Variants in STAB2 observed in about 807,000 individuals in gnomAD.
STAB2 encodes stabilin-2.
STAB2 carries 288 observed loss-of-function variants against 338.1 expected under a neutral mutation model. The ratio of observed to expected loss-of-function variants is 0.85; its 90% CI spans 0.77 to 0.94. The LOEUF (loss-of-function observed/expected upper bound fraction) is 0.94, where lower values mean the gene tolerates loss of function less well. Among genes scored for constraint, STAB2 ranks in the 40% least tolerant of loss-of-function variants. The probability of loss-of-function intolerance (pLI) is 0.00; values close to 1 mark genes in which losing one functional copy is unlikely to be tolerated. For missense variants in STAB2, 3,141 were observed against 3,210.1 expected (o/e 0.98, Z 0.52); for synonymous variants, 1,202 against 1,193.3 (o/e 1.01, Z -0.15).
intron 55 of STAB2, among the ~76,000 whole-genome samples, chr12:103,742,107 C>A (rs1405558644): frequency 6.6e-6 from 1 of 152,044 alleles, no homozygotes; most frequent in Non-Finnish European, 1.5e-5. Flanking sequence ...TCATTTAGAT[C>A]TAAGAAAACA....
At chr12:103,636,938 C>T (rs545539498) in intron 6 of STAB2, among the ~76,000 whole-genome samples, 173 bp from the exon 7 acceptor site, 22 of 152,190 alleles carry the variant, frequency 1.4e-4, no homozygotes, top group African/African-American at 4.8e-4. Context: ...TTGATGATAT[C>T]GGTAAATTTG....
intron 10 of STAB2, 125 bp from the exon 11 acceptor site, chr12:103,650,371 C>A: frequency 1.5e-6 from 1 of 673,972 alleles, no homozygotes; most frequent in Non-Finnish European, 2.6e-6. Flanking sequence ...CCTACACATG[C>A]CCATTAGAAT....
At chr12:103,732,469 C>CTG (rs1329709721) in intron 50 of STAB2, among the ~76,000 whole-genome samples, 1 of 152,164 alleles carries the variant, frequency 6.6e-6, no homozygotes, top group Non-Finnish European at 1.5e-5. Flanking sequence ...TGAGCAGTCA[C>CTG]TGGGGACTCC....
chr12:103,762,214 T>G, intron 66 of STAB2, 60 bp from the exon 67 acceptor site: 3 of 1,597,930 alleles, frequency 1.9e-6, no homozygotes, highest in Non-Finnish European at 2.6e-6. Flanking sequence ...CCACCAAGGG[T>G]TCCCCTTTTG....
chr12:103,660,660 C>T (rs1434777181), intron 16 of STAB2, 23 bp from the exon 17 acceptor site: 1 of 1,613,696 alleles, frequency 6.2e-7, no homozygotes, highest in Non-Finnish European at 8.5e-7. Context: ...ATATCTCTGC[C>T]TTTTGTTCTC....
chr12:103,676,495 T>C (rs1407059383), intron 24 of STAB2, among the ~76,000 whole-genome samples: 1 of 152,238 alleles, frequency 6.6e-6, no homozygotes, highest in African/African-American at 2.4e-5. Flanking sequence ...TGAATTTTTA[T>C]TTTAACACAG....
chr12:103,741,235 C>T (rs1211795441), intron 55 of STAB2, among the ~76,000 whole-genome samples: 2 of 152,132 alleles, frequency 1.3e-5, no homozygotes, highest in Non-Finnish European at 2.9e-5. Context: ...GGCTCCTTGC[C>T]AAAGCACATT....
rs143398217 is a variant in STAB2, at chr12:103,686,328, G to A, written c.2997+1244G>A. 4.2e-4 allele frequency among the ~76,000 whole-genome samples: 64 copies of A among 152,292 alleles called. No individual in the cohort carries two copies. In the East Asian group the frequency reaches 9.5e-3, roughly 23 times the overall value. On this transcript the variant is annotated intron_variant, in intron 27 of 68. Transcript: ENST00000388887. ...ACTCACCGAGTCAGGCCAAGGAGCT[G>A]TCTCCTGACATGCAGACCATGGCAC...
intron 44 of STAB2, among the ~76,000 whole-genome samples, chr12:103,724,084 A>G (rs1880991599): frequency 6.6e-6 from 1 of 152,172 alleles, no homozygotes; most frequent in Non-Finnish European, 1.5e-5. Context: ...GCGGTGATCC[A>G]GGCAACACCA....
chr12:103,621,598 G>A (rs868489820), intron 4 of STAB2, among the ~76,000 whole-genome samples: 3 of 152,178 alleles, frequency 2.0e-5, no homozygotes, highest in African/African-American at 7.2e-5. Flanking sequence ...CGGGTGTGGT[G>A]GTGTGCACCT....
chr12:103,597,533 A>G (rs1327486942), intron 3 of STAB2, among the ~76,000 whole-genome samples: 1 of 152,230 alleles, frequency 6.6e-6, no homozygotes, highest in Non-Finnish European at 1.5e-5. Flanking sequence ...ATCATCTTCT[A>G]AAATTAAGAA....
intron 68 of STAB2, 136 bp from the exon 69 acceptor site, chr12:103,766,150 C>A: frequency 1.6e-6 from 2 of 1,227,454 alleles, no homozygotes; most frequent in Non-Finnish European, 2.4e-6. Context: ...GGCAGCAGCA[C>A]AAACAAACAC....
At chr12:103,697,757 G>A (rs1263140284) in intron 33 of STAB2, among the ~76,000 whole-genome samples, 2 of 152,220 alleles carry the variant, frequency 1.3e-5, no homozygotes, top group East Asian at 1.9e-4. Context: ...AGGTTAAAGT[G>A]AGAAAGAAAT....
chr12:103,609,349 C>A (rs1263506695), intron 3 of STAB2, among the ~76,000 whole-genome samples: 1 of 152,144 alleles, frequency 6.6e-6, no homozygotes, highest in Admixed American at 6.6e-5. Context: ...TGTTCGTATC[C>A]TCTTTTATTT....
intron 25 of STAB2, among the ~76,000 whole-genome samples, chr12:103,678,026 T>A (rs1264641712): frequency 2.0e-5 from 3 of 152,058 alleles, no homozygotes; most frequent in Non-Finnish European, 4.4e-5. Context: ...GGGGAGGGAC[T>A]ACCAACTACA....
At chr12:103,738,351 C>T (rs772637024) in intron 53 of STAB2, among the ~76,000 whole-genome samples, 4 of 152,200 alleles carry the variant, frequency 2.6e-5, no homozygotes, top group African/African-American at 4.8e-5. Flanking sequence ...CCATCCAGCA[C>T]CTTTACTGAG....
chr12:103,710,958 C>T (rs1199793135), intron 39 of STAB2, among the ~76,000 whole-genome samples: 2 of 152,174 alleles, frequency 1.3e-5, no homozygotes, highest in African/African-American at 4.8e-5. Context: ...ATTAATTCAA[C>T]AAATATTGTG....
chr12:103,670,759 T>C lies in STAB2; in HGVS notation c.2323T>C (p.Cys775Arg). The C allele has an allele frequency of 2.5e-6, 4 of 1,614,136 alleles. No individual in the cohort carries two copies. Among genetic ancestry groups the C allele is most frequent in the Non-Finnish European group, 3.4e-6 (4 of 1,180,024 alleles). ...TGAGGAGGGCTTCCAAGGCTCCCAGTGTCAGTTCTGCTCTGATCCCAATAA... is the reference window on the plus strand; with the variant it reads ...TGAGGAGGGCTTCCAAGGCTCCCAGCGTCAGTTCTGCTCTGATCCCAATAA... ...ICEEGFQGSQ[C>R]QFCSDPNKYG... Residue 775 changes from cysteine (C) to arginine (R), a missense_variant, in exon 22 of 69, where the codon TGT becomes CGT. By Grantham distance (180) the Cys-to-Arg change is radical. Transcript: ENST00000388887.
intron 59 of STAB2, among the ~76,000 whole-genome samples, chr12:103,749,856 A>C: frequency 6.7e-6 from 1 of 148,252 alleles, no homozygotes; most frequent in African/African-American, 2.5e-5. Context: ...AAAAAAAAAA[A>C]AAAAAAAAAA....
Sources: gnomAD v4.1 joint callset for allele counts (sites outside exome capture counted in the v4.1 genomes callset) on GRCh38, gnomAD v4.1.1 for gene constraint, MANE v1.5 for transcripts, NCBI Gene and HGNC (gene_info 2026-07-23, HGNC 2026-07-21) for gene names.